Variants in SPAG16 observed in about 807,000 individuals in gnomAD.
SPAG16 encodes the protein sperm-associated antigen 16 protein.
SPAG16 carries 86 observed loss-of-function variants against 80.4 expected under a neutral mutation model. The observed-to-expected ratio is 1.07, with a 90% CI of 0.90 to 1.28. The LOEUF (loss-of-function observed/expected upper bound fraction) is 1.28, where lower values mean the gene tolerates loss of function less well. SPAG16 is among the 50% of genes most tolerant of loss of function. SPAG16 has a pLI of 0.00. For synonymous variants in SPAG16, 294 were observed against 265.9 expected (o/e 1.11, Z -1.03); for missense variants, 870 against 765.3 (o/e 1.14, Z -1.61).
chr2:213,891,387 A>G (rs2076780761), intron 11 of SPAG16, among the ~76,000 whole-genome samples: 1 of 152,132 alleles, frequency 6.6e-6, no homozygotes. Flanking sequence ...TTTTAGAGAT[A>G]CCAACCATAA....
intron 15 of SPAG16, among the ~76,000 whole-genome samples, chr2:214,327,107 A>C (rs1696553072): frequency 6.6e-6 from 1 of 152,162 alleles, no homozygotes; most frequent in African/African-American, 2.4e-5. Flanking sequence ...CTAGAGTAAA[A>C]TTAAGCATTT....
intron 10 of SPAG16, among the ~76,000 whole-genome samples, chr2:213,499,343 T>C (rs2074637592): frequency 6.6e-6 from 1 of 152,146 alleles, no homozygotes; most frequent in South Asian, 2.1e-4. Flanking sequence ...ACAGATCCTA[T>C]GGATTCTAAT....
At chr2:213,323,396 A>G (rs527848283) in intron 5 of SPAG16, among the ~76,000 whole-genome samples, 5 of 152,054 alleles carry the variant, frequency 3.3e-5, no homozygotes, top group South Asian at 2.1e-4. Flanking sequence ...AGCCGAGATC[A>G]TGCCACTGCA....
At chr2:214,009,019 A>G (rs1174304141) in intron 12 of SPAG16, among the ~76,000 whole-genome samples, 2 of 152,186 alleles carry the variant, frequency 1.3e-5, no homozygotes, top group Admixed American at 6.5e-5. Flanking sequence ...AATTATCTCC[A>G]CTTCACCCAG....
intron 12 of SPAG16, among the ~76,000 whole-genome samples, chr2:213,963,653 A>T (rs2044568415): frequency 6.6e-6 from 1 of 152,034 alleles, no homozygotes; most frequent in Admixed American, 6.6e-5. Context: ...CTTTTGTTGA[A>T]TTGTTTATTT....
intron 10 of SPAG16, among the ~76,000 whole-genome samples, chr2:213,808,923 G>A (rs1316456347): frequency 6.6e-6 from 1 of 151,548 alleles, no homozygotes; most frequent in Non-Finnish European, 1.5e-5. Flanking sequence ...CTAGAAATTG[G>A]AAAAAAAATG....
chr2:213,361,378 GTA>G (rs1553637401), intron 7 of SPAG16, among the ~76,000 whole-genome samples: 75 of 147,006 alleles, frequency 5.1e-4, no homozygotes, highest in Middle Eastern at 3.5e-3. Context: ...GTGTGTGTGT[GTA>G]TATATATATA....
intron 9 of SPAG16, among the ~76,000 whole-genome samples, chr2:213,434,872 T>C (rs968693238): frequency 2.6e-5 from 4 of 152,166 alleles, no homozygotes; most frequent in Admixed American, 2.0e-4. Context: ...GAATGTAAAT[T>C]AATACAACCA....
chr2:213,347,924 C>A (rs1017300456), intron 6 of SPAG16, among the ~76,000 whole-genome samples: 4 of 151,992 alleles, frequency 2.6e-5, no homozygotes, highest in East Asian at 3.9e-4. Flanking sequence ...GAGCTGAGTT[C>A]AATTCCTGGA....
intron 10 of SPAG16, among the ~76,000 whole-genome samples, chr2:213,703,063 G>A (rs966573169): frequency 2.0e-5 from 3 of 152,174 alleles, no homozygotes; most frequent in African/African-American, 7.2e-5. Context: ...CTTCCTGGAA[G>A]ACGTTTTAAT....
chr2:213,921,391 T>C (rs1373855985), intron 11 of SPAG16, among the ~76,000 whole-genome samples: 1 of 152,230 alleles, frequency 6.6e-6, no homozygotes, highest in African/African-American at 2.4e-5. Context: ...TTGGTTGATT[T>C]TTCCCCATTC....
chr2:213,958,943 A>G (rs1284394688), intron 12 of SPAG16, among the ~76,000 whole-genome samples: 1 of 152,198 alleles, frequency 6.6e-6, no homozygotes, highest in African/African-American at 2.4e-5. Flanking sequence ...GGGCAGTTCT[A>G]CTGGTAACAA....
chr2:213,902,416 G>T (rs891298732), intron 11 of SPAG16, among the ~76,000 whole-genome samples: 6 of 152,198 alleles, frequency 3.9e-5, no homozygotes, highest in African/African-American at 1.4e-4. Context: ...GGTGGGTGCT[G>T]AAAGGCACTT....
chr2:213,885,853 G>A (rs547473765), intron 11 of SPAG16, among the ~76,000 whole-genome samples: 21 of 152,154 alleles, frequency 1.4e-4, no homozygotes, highest in Middle Eastern at 3.4e-3. Flanking sequence ...TTCCCTTGAC[G>A]CTCAAAATAA....
At chr2:214,264,287 T>C (rs1013928502) in intron 15 of SPAG16, among the ~76,000 whole-genome samples, 13 of 152,144 alleles carry the variant, frequency 8.5e-5, no homozygotes, top group African/African-American at 3.1e-4. Context: ...GGACTCTAAG[T>C]GCTGTCACGA....
chr2:214,270,940 T>G (rs1176839435), intron 15 of SPAG16, among the ~76,000 whole-genome samples: 2 of 152,086 alleles, frequency 1.3e-5, no homozygotes, highest in Non-Finnish European at 2.9e-5. Context: ...TACAGTAACC[T>G]TTTTCTACCT....
At chr2:214,316,567 G>T (rs565696375) in intron 15 of SPAG16, among the ~76,000 whole-genome samples, 1 of 152,244 alleles carries the variant, frequency 6.6e-6, no homozygotes, top group East Asian at 1.9e-4. Flanking sequence ...TAACTGTGAA[G>T]AAATCTCCCC....
intron 10 of SPAG16, among the ~76,000 whole-genome samples, chr2:213,508,905 C>G (rs2075097985): frequency 6.7e-6 from 1 of 149,282 alleles, no homozygotes; most frequent in South Asian, 2.1e-4. Context: ...TACCCTAAAA[C>G]TTAAAGTATA....
At position 213,917,921 on chromosome 2, in the gene SPAG16, G is replaced by A. The variant is rs191375685; in HGVS notation, c.1215-12039G>A. Among the ~76,000 whole-genome samples the A allele has an allele frequency of 7.2e-4, 110 of 152,156 alleles. 2 individuals carry two copies. The highest frequency in any genetic ancestry group is 1.8e-4 in the Non-Finnish European group (12 of 67,982). On this transcript the variant is annotated intron_variant, in intron 11 of 15. Transcript: ENST00000331683. ...TGTTGGTTGTGGGTTTGTCATAGAT[G>A]GCTCTTATTATTTTGAAGTGTGTTC...
Sources: gnomAD v4.1 joint callset for allele counts (sites outside exome capture counted in the v4.1 genomes callset) on GRCh38, gnomAD v4.1.1 for gene constraint, MANE v1.5 for transcripts, NCBI Gene and HGNC (gene_info 2026-07-23, HGNC 2026-07-21) for gene names.